Variants in PRELID2 observed in about 807,000 individuals in gnomAD.
PRELID2 encodes PRELI domain-containing protein 2.
A neutral mutation model predicts 28.4 loss-of-function variants in PRELID2; 25 were observed. The observed-to-expected ratio is 0.88, with a 90% confidence interval of 0.64 to 1.23. The LOEUF (loss-of-function observed/expected upper bound fraction) is 1.23. Ranked by LOEUF, PRELID2 falls within the 50% of genes most tolerant of loss-of-function variation. The pLI is 0.00. For missense variants in PRELID2, 201 were observed against 214.4 expected (o/e 0.94, Z 0.39); for synonymous variants, 76 against 71.6 (o/e 1.06, Z -0.31).
chr5:145,603,839 G>T (rs888993154), intron 1 of PRELID2, among the ~76,000 whole-genome samples: 1 of 152,034 alleles, frequency 6.6e-6, no homozygotes, highest in African/African-American at 2.4e-5. Context: ...AAGAATACAA[G>T]TTATAATTTC....
chr5:145,756,923 A>T lies in PRELID2; in HGVS notation c.*3613T>A, dbSNP rs1470130385. On this transcript the variant is annotated 3_prime_UTR_variant, in exon 7 of 7. Transcript: ENST00000683046. ...ATGGTAGAACTCAAAGAGCAAATGTATCTGGAGCCTTCAGTGTAGGGACTT... is the reference window on the plus strand; with the variant it reads ...ATGGTAGAACTCAAAGAGCAAATGTTTCTGGAGCCTTCAGTGTAGGGACTT... Among the ~76,000 whole-genome samples the T allele has an allele frequency of 1.3e-5, 2 of 152,212 alleles. No homozygotes were observed. Among genetic ancestry groups the T allele is most frequent in the Non-Finnish European group, 2.9e-5 (2 of 68,026 alleles).
At chr5:145,813,014 A>G (rs367815662) in intron 4 of PRELID2, among the ~76,000 whole-genome samples, 13 of 152,216 alleles carry the variant, frequency 8.5e-5, no homozygotes, top group Admixed American at 5.9e-4. Flanking sequence ...TGTAAAGAGG[A>G]CATAGAGCAA....
the PRELID2 span, among the ~76,000 whole-genome samples, chr5:145,329,706 T>C: frequency 3.9e-5 from 6 of 152,202 alleles, no homozygotes; most frequent in African/African-American, 1.4e-4. Context: ...TTTCTAAATA[T>C]ACAATCATGT....
intron 1 of PRELID2, among the ~76,000 whole-genome samples, chr5:145,531,223 G>C (rs142711249): frequency 6.6e-6 from 1 of 152,062 alleles, no homozygotes; most frequent in Non-Finnish European, 1.5e-5. Flanking sequence ...TTGAGGAAGT[G>C]GGGGAAGGAC....
At chr5:145,585,070 T>C (rs1753141051) in intron 1 of PRELID2, among the ~76,000 whole-genome samples, 1 of 152,078 alleles carries the variant, frequency 6.6e-6, no homozygotes, top group South Asian at 2.1e-4. Flanking sequence ...ATAAAGAAAA[T>C]GTGGTATATA....
the PRELID2 span, among the ~76,000 whole-genome samples, chr5:145,286,827 T>A: frequency 1.6e-4 from 25 of 151,754 alleles, no homozygotes; most frequent in African/African-American, 5.6e-4. Flanking sequence ...ATTCAAGTGA[T>A]TCTCCTGCCT....
chr5:145,510,362 T>TAAACATTAAACATTAAA (rs1185155430), intron 1 of PRELID2, among the ~76,000 whole-genome samples: 12 of 152,244 alleles, frequency 7.9e-5, no homozygotes, highest in African/African-American at 2.7e-4. Flanking sequence ...CATTGTTTTT[T>TAAACATTAAACATTAAA]AATGGGACTA....
chr5:145,547,697 T>A (rs1008786031), intron 1 of PRELID2, among the ~76,000 whole-genome samples: 5 of 152,326 alleles, frequency 3.3e-5, no homozygotes, highest in African/African-American at 1.2e-4. Flanking sequence ...TATAATTATA[T>A]GCTCAAGTCA....
At chr5:145,779,320 G>A (rs2149792297) in intron 5 of PRELID2, among the ~76,000 whole-genome samples, 1 of 152,074 alleles carries the variant, frequency 6.6e-6, no homozygotes, top group South Asian at 2.1e-4. Context: ...AGTGCTTCAG[G>A]GAATCTTTTC....
At chr5:145,316,747 C>A in the PRELID2 span, among the ~76,000 whole-genome samples, 1 of 152,290 alleles carries the variant, frequency 6.6e-6, no homozygotes, top group East Asian at 1.9e-4. Flanking sequence ...CCATGTTTCC[C>A]AGCTTGTTTG....
At chr5:145,442,364 C>T in the PRELID2 span, among the ~76,000 whole-genome samples, 2 of 151,996 alleles carry the variant, frequency 1.3e-5, no homozygotes, top group African/African-American at 4.8e-5. Context: ...AAGCATCCAG[C>T]CAGCAAGCTT....
intron 1 of PRELID2, among the ~76,000 whole-genome samples, chr5:145,580,900 T>G (rs1373079321): frequency 6.6e-6 from 1 of 152,106 alleles, no homozygotes; most frequent in Non-Finnish European, 1.5e-5. Flanking sequence ...GCAAGATGCC[T>G]GCTTGAAACC....
chr5:145,653,203 T>C (rs1754330672), intron 1 of PRELID2, among the ~76,000 whole-genome samples: 1 of 152,164 alleles, frequency 6.6e-6, no homozygotes, highest in African/African-American at 2.4e-5. Context: ...GAGCTAACTA[T>C]CCTAAATATA....
chr5:145,510,667 C>A (rs1752453529), intron 1 of PRELID2, among the ~76,000 whole-genome samples: 1 of 152,204 alleles, frequency 6.6e-6, no homozygotes, highest in Non-Finnish European at 1.5e-5. Flanking sequence ...TGTTGATAAA[C>A]CAGCAGTCTC....
the PRELID2 span, among the ~76,000 whole-genome samples, chr5:145,383,414 G>A: frequency 2.0e-5 from 3 of 150,230 alleles, no homozygotes; most frequent in Non-Finnish European, 4.4e-5. Context: ...GTGTACAAAT[G>A]AGAAAGCTGA....
chr5:145,557,632 G>A (rs1333765014), intron 1 of PRELID2, among the ~76,000 whole-genome samples: 1 of 152,180 alleles, frequency 6.6e-6, no homozygotes, highest in Non-Finnish European at 1.5e-5. Flanking sequence ...TAGTTGCAGG[G>A]GGAGTCAGAT....
chr5:145,835,118 G>T, intron 1 of PRELID2, 59 bp downstream of exon 1: 1 of 1,204,652 alleles, frequency 8.3e-7, no homozygotes, highest in Non-Finnish European at 1.2e-6. Flanking sequence ...TGAAGGAGAG[G>T]AGAGAGGGGC....
At chr5:145,417,768 C>T in the PRELID2 span, among the ~76,000 whole-genome samples, 30 of 152,026 alleles carry the variant, frequency 2.0e-4, no homozygotes, top group East Asian at 2.7e-3. Flanking sequence ...GAGCCATACA[C>T]GATAAATCCA....
At chr5:145,714,823 A>G (rs568284060) in intron 1 of PRELID2, among the ~76,000 whole-genome samples, 1 of 152,034 alleles carries the variant, frequency 6.6e-6, no homozygotes, top group East Asian at 1.9e-4. Context: ...CTTCTGTGCC[A>G]TCCCTCTTTC....
Sources: allele counts gnomAD v4.1 joint callset (sites outside exome capture counted in the v4.1 genomes callset), GRCh38; gene constraint gnomAD v4.1.1; transcripts MANE v1.5; gene names NCBI Gene and HGNC (gene_info 2026-07-23, HGNC 2026-07-21).